Variants in MACROD2 observed in about 807,000 individuals in gnomAD.
MACROD2 encodes the protein ADP-ribose glycohydrolase MACROD2.
A neutral mutation model predicts 70.4 loss-of-function variants in MACROD2; 36 were observed. The observed-to-expected ratio is 0.51, with a 90% CI of 0.39 to 0.68. MACROD2 has a LOEUF of 0.68. Among genes scored for constraint, MACROD2 ranks in the 30% least tolerant of loss-of-function variants. MACROD2 has a pLI of 0.00. For synonymous variants in MACROD2, 172 were observed against 178.8 expected (o/e 0.96, Z 0.30); for missense variants, 496 against 538.4 (o/e 0.92, Z 0.78).
chr20:13,997,066 A>G (rs2052671619), intron 1 of MACROD2, among the ~76,000 whole-genome samples: 1 of 152,226 alleles, frequency 6.6e-6, no homozygotes, highest in African/African-American at 2.4e-5. Flanking sequence ...ATGCACGAAC[A>G]AAGGCGTGAG....
chr20:15,794,771 G>C (rs1282057313), intron 8 of MACROD2, among the ~76,000 whole-genome samples: 1 of 152,136 alleles, frequency 6.6e-6, no homozygotes, highest in Non-Finnish European at 1.5e-5. Context: ...CAGGCGGTTT[G>C]CATCAAGTGA....
At chr20:15,120,330 A>G (rs1056144552) in intron 5 of MACROD2, among the ~76,000 whole-genome samples, 6 of 152,162 alleles carry the variant, frequency 3.9e-5, no homozygotes, top group Admixed American at 2.6e-4. Context: ...ATTTTCTTTC[A>G]TGGGAGTTCT....
intron 5 of MACROD2, among the ~76,000 whole-genome samples, chr20:15,017,658 G>T (rs185779549): frequency 6.6e-6 from 1 of 152,164 alleles, no homozygotes; most frequent in Non-Finnish European, 1.5e-5. Flanking sequence ...CTTCTTCCTG[G>T]GCATCCAGGC....
intron 6 of MACROD2, among the ~76,000 whole-genome samples, chr20:15,325,280 C>A (rs958193946): frequency 3.3e-5 from 5 of 152,016 alleles, no homozygotes; most frequent in Admixed American, 2.6e-4. Flanking sequence ...AAGTCTATGA[C>A]CTTTTGAGGT....
intron 3 of MACROD2, among the ~76,000 whole-genome samples, chr20:14,130,518 T>G (rs1396411656): frequency 2.0e-5 from 3 of 151,990 alleles, no homozygotes; most frequent in Non-Finnish European, 1.5e-5. Flanking sequence ...CACTCCAGCC[T>G]AGGCAACAGA....
intron 8 of MACROD2, among the ~76,000 whole-genome samples, chr20:15,657,420 G>T (rs537700057): frequency 1.3e-5 from 2 of 152,310 alleles, no homozygotes; most frequent in South Asian, 4.1e-4. Context: ...CCAAGCTCCA[G>T]TGGCTGGTTT....
intron 8 of MACROD2, among the ~76,000 whole-genome samples, chr20:15,853,069 G>T (rs1003660880): frequency 6.6e-6 from 1 of 152,044 alleles, no homozygotes; most frequent in African/African-American, 2.4e-5. Context: ...GATAAAAAAG[G>T]TGCCCCTGAT....
intron 5 of MACROD2, among the ~76,000 whole-genome samples, chr20:14,686,703 A>C (rs1237095529): frequency 2.0e-5 from 3 of 152,160 alleles, no homozygotes; most frequent in Non-Finnish European, 4.4e-5. Context: ...CGGTTTGTGT[A>C]AGTATACCCT....
At chr20:15,598,887 C>T (rs565944856) in intron 8 of MACROD2, among the ~76,000 whole-genome samples, 8 of 152,252 alleles carry the variant, frequency 5.3e-5, no homozygotes, top group African/African-American at 1.7e-4. Flanking sequence ...ACGTGAAATT[C>T]CAATTTCACT....
At chr20:15,027,724 A>AG (rs1306336616) in intron 5 of MACROD2, among the ~76,000 whole-genome samples, 3 of 147,998 alleles carry the variant, frequency 2.0e-5, no homozygotes, top group Admixed American at 1.4e-4. Flanking sequence ...AAAAAAAAAA[A>AG]TGAAAAAAAA....
chr20:14,223,804 T>G (rs1246495384), intron 3 of MACROD2, among the ~76,000 whole-genome samples: 1 of 152,150 alleles, frequency 6.6e-6, no homozygotes, highest in Non-Finnish European at 1.5e-5. Context: ...GGCCTCTACA[T>G]TCTTCATATT....
At chr20:15,953,165 T>C (rs1271511059) in intron 12 of MACROD2, among the ~76,000 whole-genome samples, 2 of 151,988 alleles carry the variant, frequency 1.3e-5, no homozygotes, top group Non-Finnish European at 2.9e-5. Context: ...GAAAGGTTGG[T>C]CTCATAGAAG....
intron 8 of MACROD2, among the ~76,000 whole-genome samples, chr20:15,757,660 G>C (rs1272216529): frequency 6.6e-6 from 1 of 152,086 alleles, no homozygotes; most frequent in African/African-American, 2.4e-5. Flanking sequence ...CATACTTCTA[G>C]AGGCTGGGAA....
chr20:14,262,720 T>G (rs1354783171), intron 3 of MACROD2, among the ~76,000 whole-genome samples: 2 of 151,994 alleles, frequency 1.3e-5, no homozygotes, highest in Non-Finnish European at 2.9e-5. Context: ...AAGAAAAGGT[T>G]TAATAAGAAG....
At chr20:15,859,492 A>G (rs2064395860) in intron 8 of MACROD2, among the ~76,000 whole-genome samples, 1 of 152,182 alleles carries the variant, frequency 6.6e-6, no homozygotes, top group Admixed American at 6.5e-5. Context: ...ACAAGCACTG[A>G]TCAGTACCCA....
intron 5 of MACROD2, among the ~76,000 whole-genome samples, chr20:14,746,403 T>G (rs2071800134): frequency 6.6e-6 from 1 of 152,206 alleles, no homozygotes; most frequent in Admixed American, 6.5e-5. Context: ...GGGTTTATTT[T>G]CTTGCCAAAT....
chr20:15,667,720 C>T (rs1023693038), intron 8 of MACROD2, among the ~76,000 whole-genome samples: 12 of 152,126 alleles, frequency 7.9e-5, no homozygotes, highest in Non-Finnish European at 1.5e-4. Context: ...CGGCTCTTTA[C>T]TGTTGTTACT....
chr20:15,099,571 A>T (rs1353993998), intron 5 of MACROD2, among the ~76,000 whole-genome samples: 1 of 152,128 alleles, frequency 6.6e-6, no homozygotes, highest in South Asian at 2.1e-4. Flanking sequence ...TACCCAGTTT[A>T]TGGTGTTTGG....
chr20:14,175,689 T>C (rs1275761216), intron 3 of MACROD2, among the ~76,000 whole-genome samples: 1 of 152,166 alleles, frequency 6.6e-6, no homozygotes, highest in East Asian at 1.9e-4. Context: ...TGAGATAATC[T>C]CTGGCAAAGT....
Sources: allele counts gnomAD v4.1 joint callset (sites outside exome capture counted in the v4.1 genomes callset), GRCh38; gene constraint gnomAD v4.1.1; transcripts MANE v1.5; gene names NCBI Gene and HGNC (gene_info 2026-07-23, HGNC 2026-07-21).